The following ASXL1 variants were observed in gnomAD, a reference collection of about 807,000 sequenced individuals.
ASXL1 encodes the protein ASXL transcriptional regulator 1, also known as polycomb group protein ASXL1.
Under a neutral mutation model 89.1 loss-of-function variants are expected in ASXL1, and 65 were observed. The observed-to-expected ratio is 0.73, with a 90% confidence interval of 0.60 to 0.90. The LOEUF is 0.90. ASXL1 is among the 40% of genes least tolerant of loss of function. ASXL1 has a pLI of 0.00. For missense variants in ASXL1, 1,786 were observed against 1,942.9 expected (o/e 0.92, Z 1.52); for synonymous variants, 739 against 746.9 (o/e 0.99, Z 0.17).
At chr20:32,391,297 GGCTGCTGTGAGTAAT>G (rs1369840657) in intron 4 of ASXL1, among the ~76,000 whole-genome samples, 1 of 152,080 alleles carries the variant, frequency 6.6e-6, no homozygotes, top group Non-Finnish European at 1.5e-5. Flanking sequence ...TCCTCCTTTT[GGCTGCTGTGAGTAAT>G]GCTGCTGTGA....
chr20:32,436,311 C>G lies in ASXL1; in HGVS notation c.3599C>G (p.Pro1200Arg). Residue 1200 changes from proline (P) to arginine (R), a missense_variant, in exon 13 of 13, where the codon CCC becomes CGC. Physicochemically the swap from Pro to Arg is moderately radical, Grantham distance 103. Transcript: ENST00000375687. ...RIEATQAPGA[P>R]QKNCKAVPSF... ...GAGGCCACCCAGGCTCCTGGAGCAC[C>G]CCAAAAGAATTGCAAGGCAGTCCCA... is the stretch of plus-strand genomic sequence containing the variant. The G allele has an allele frequency of 6.2e-7, 1 of 1,614,072 alleles. No homozygotes were observed. Among genetic ancestry groups the G allele is most frequent in the Non-Finnish European group, 8.5e-7 (1 of 1,180,034 alleles).
At chr20:32,371,410 T>C (rs956280423) in intron 4 of ASXL1, among the ~76,000 whole-genome samples, 2 of 151,478 alleles carry the variant, frequency 1.3e-5, no homozygotes, top group Non-Finnish European at 2.9e-5. Context: ...CTCAGCCTTC[T>C]GAGTAGCTAG....
chr20:32,431,407 A>G lies in ASXL1; in HGVS notation c.805A>G (p.Asn269Asp), dbSNP rs1668690891. 6.2e-7 allele frequency: 1 copy of G among 1,614,174 alleles called. No homozygotes were observed. The highest frequency in any genetic ancestry group is 2.2e-5 in the East Asian group (1 of 44,890). ...CAACACCAACCTCCGTGCCCTGATC[A>G]ACTCTCGGACCTTCCATGCCTTACC... is the stretch of plus-strand genomic sequence containing the variant. ...LVNTNLRALI[N>D]SRTFHALPSH... The change falls in exon 9 of 13, where the codon AAC (asparagine) becomes GAC (aspartate). Residue 269 changes from asparagine to aspartate, a missense_variant. Physicochemically the swap from Asn to Asp is conservative, Grantham distance 23 (BLOSUM62 1). Coordinates refer to ENST00000375687, the MANE Select transcript of ASXL1 (RefSeq NM_015338.6).
intron 4 of ASXL1, among the ~76,000 whole-genome samples, chr20:32,425,578 T>G (rs1213711957): frequency 6.6e-6 from 1 of 152,244 alleles, no homozygotes; most frequent in Non-Finnish European, 1.5e-5. Flanking sequence ...TGCATTTTCC[T>G]TATTGTTAGT....
intron 4 of ASXL1, among the ~76,000 whole-genome samples, chr20:32,401,544 G>GTGTGTGTGTTTTT: frequency 1.4e-5 from 1 of 69,330 alleles, no homozygotes; most frequent in Admixed American, 1.6e-4. Context: ...GTGTGTGTGT[G>GTGTGTGTGTTTTT]TTTTTTCCCC....
At chr20:32,409,253 G>A (rs972927393) in intron 4 of ASXL1, among the ~76,000 whole-genome samples, 74 of 152,318 alleles carry the variant, frequency 4.9e-4, no homozygotes, top group African/African-American at 1.3e-3. Flanking sequence ...GATTATAGGC[G>A]TGAGCCACCA....
chr20:32,367,879 C>A, intron 3 of ASXL1, 150 bp downstream of exon 3: 1 of 670,474 alleles, frequency 1.5e-6, no homozygotes, highest in South Asian at 1.7e-5. Flanking sequence ...GTAGGAGTCA[C>A]AGAAGAGCTG....
intron 4 of ASXL1, among the ~76,000 whole-genome samples, chr20:32,383,171 A>G (rs185711290): frequency 6.6e-6 from 1 of 152,210 alleles, no homozygotes; most frequent in African/African-American, 2.4e-5. Flanking sequence ...ATATTTCTCA[A>G]AATGTCAGTT....
In ASXL1 at chr20:32,436,766, C is replaced by A. The variant is rs1477232064; in HGVS notation, c.4054C>A (p.Pro1352Thr). The A allele has an allele frequency of 6.2e-7, 1 of 1,614,174 alleles. No homozygotes were observed. Among genetic ancestry groups the A allele is most frequent in the Admixed American group, 1.7e-5 (1 of 60,024 alleles). The change falls in exon 13 of 13, where the codon CCA becomes ACA. Residue 1352 changes from proline (P) to threonine (T), a missense_variant. By Grantham distance (38) the Pro-to-Thr change is conservative. Around this residue, in one of 3 missense-constraint regions of ASXL1, gnomAD observed 1,418 missense variants for 1,427.8 expected, o/e 0.99. Transcript: ENST00000375687. ...CTCCATGTCTGGTGGGGTACAGACTCCAAGGGAAGACTGGGCTCCAAAGCC... is the reference window on the plus strand; with the variant it reads ...CTCCATGTCTGGTGGGGTACAGACTACAAGGGAAGACTGGGCTCCAAAGCC... ...TNSMSGGVQT[P>T]REDWAPKPHA...
At chr20:32,430,320 T>C in intron 8 of ASXL1, 1 of 439,016 alleles carries the variant, frequency 2.3e-6, no homozygotes, top group East Asian at 3.7e-5. Context: ...TTGTACTGCA[T>C]AGTAAGTGTT....
intron 1 of ASXL1, among the ~76,000 whole-genome samples, chr20:32,363,324 T>A (rs6141689): frequency 0.35 from 53,625 of 151,960 alleles, 10,526 homozygotes; most frequent in East Asian, 0.74. Context: ...CAAAGAAATG[T>A]TATCTGTGGC....
intron 4 of ASXL1, among the ~76,000 whole-genome samples, chr20:32,380,917 A>G (rs1157733181): frequency 6.6e-6 from 1 of 152,144 alleles, no homozygotes; most frequent in Non-Finnish European, 1.5e-5. Context: ...CCTTTTGAAA[A>G]ATGCAAGTCA....
chr20:32,437,358 A>G lies in ASXL1; in HGVS notation c.*20A>G, dbSNP rs1315808958. The G allele has an allele frequency of 6.2e-7, 1 of 1,609,990 alleles. No individual in the cohort carries two copies. Among genetic ancestry groups the G allele is most frequent in the South Asian group, 1.1e-5 (1 of 90,938 alleles). ...AGATAATAAATTATGGCCATGGGAA[A>G]CATTGTATATTTAGTGTGTGTATTT... On this transcript the variant is annotated 3_prime_UTR_variant, in exon 13 of 13. Coordinates refer to ENST00000375687, the MANE Select transcript of ASXL1 (RefSeq NM_015338.6).
intron 4 of ASXL1, among the ~76,000 whole-genome samples, chr20:32,391,534 G>T (rs897277535): frequency 2.0e-5 from 3 of 152,206 alleles, no homozygotes; most frequent in African/African-American, 4.8e-5. Flanking sequence ...GCCCAGGCTG[G>T]AGTGCAATGG....
At chr20:32,377,972 CTGTGTGTG>C (rs112878923) in intron 4 of ASXL1, among the ~76,000 whole-genome samples, 111 of 115,400 alleles carry the variant, frequency 9.6e-4, no homozygotes, top group African/African-American at 3.5e-3. Flanking sequence ...AGTTTTGACT[CTGTGTGTG>C]TGTGTGTGTG....
intron 4 of ASXL1, among the ~76,000 whole-genome samples, chr20:32,393,360 A>G (rs552217255): frequency 3.3e-5 from 5 of 152,002 alleles, no homozygotes; most frequent in Non-Finnish European, 7.4e-5. Flanking sequence ...CTGTGTCTTT[A>G]TGTTTAAAGT....
chr20:32,421,236 T>TAA (rs755062725), intron 4 of ASXL1, among the ~76,000 whole-genome samples: 1 of 113,678 alleles, frequency 8.8e-6, no homozygotes. Flanking sequence ...AAAGTAAAAT[T>TAA]TAAAAAAAAA....
chr20:32,369,249 A>G (rs2048256987), intron 4 of ASXL1, 126 bp downstream of exon 4: 1 of 915,364 alleles, frequency 1.1e-6, no homozygotes, highest in South Asian at 1.4e-5. Context: ...GGTGACACTG[A>G]TGTTTTTCTT....
At chr20:32,364,254 C>G (rs930301816) in intron 1 of ASXL1, among the ~76,000 whole-genome samples, 1 of 152,128 alleles carries the variant, frequency 6.6e-6, no homozygotes, top group African/African-American at 2.4e-5. Flanking sequence ...CTCACTCTGT[C>G]ACCCTGGCTG....
Sources: allele counts gnomAD v4.1 joint callset (sites outside exome capture counted in the v4.1 genomes callset), GRCh38; gene constraint gnomAD v4.1.1; regional missense constraint gnomAD v4.1.1; transcripts MANE v1.5; gene names NCBI Gene and HGNC (gene_info 2026-07-23, HGNC 2026-07-21).